Variants in PKHD1 observed in about 807,000 individuals in gnomAD.
PKHD1 encodes the protein fibrocystin.
Under a neutral mutation model 412.0 loss-of-function variants are expected in PKHD1, and 291 were observed. That is an observed-to-expected ratio of 0.71 (90% CI 0.64 to 0.78). PKHD1 has a LOEUF of 0.78. PKHD1 is among the 30% of genes least tolerant of loss of function. The pLI is 0.00. For synonymous variants in PKHD1, 1,777 were observed against 1,821.5 expected (o/e 0.98, Z 0.62); for missense variants, 4,825 against 4,950.7 (o/e 0.97, Z 0.76).
At chr6:52,022,978 CA>C (rs1801628106) in intron 32 of PKHD1, 34 bp from the exon 33 acceptor site, 2 of 1,612,942 alleles carry the variant, frequency 1.2e-6, no homozygotes, top group Non-Finnish European at 1.7e-6. Flanking sequence ...CTTGATCATA[CA>C]GGCAAATCTC....
chr6:51,726,095 A>C (rs139147052), intron 60 of PKHD1, among the ~76,000 whole-genome samples: 1 of 152,326 alleles, frequency 6.6e-6, no homozygotes, highest in East Asian at 1.9e-4. Flanking sequence ...TTGCAAGCTC[A>C]AACTCAGCTA....
At chr6:51,961,939 A>G (rs1245321774) in intron 35 of PKHD1, among the ~76,000 whole-genome samples, 1 of 152,132 alleles carries the variant, frequency 6.6e-6, no homozygotes, top group African/African-American at 2.4e-5. Context: ...TGTGAAATCA[A>G]AAGCTCAAGA....
intron 55 of PKHD1, among the ~76,000 whole-genome samples, chr6:51,757,844 T>G (rs1582498239): frequency 6.7e-6 from 1 of 150,166 alleles, no homozygotes; most frequent in Non-Finnish European, 1.5e-5. Flanking sequence ...TCTACAAAAG[T>G]GAAAAGAAAA....
At position 51,871,979 on chromosome 6, in the gene PKHD1, T is replaced by C. The variant is rs1445034817; in HGVS notation, c.7351-1340A>G. ...TGGAGAAATAAGTATATTATATCCATGAAACAAATAGAAGCCTAAAATATT... is the reference window on the plus strand; with the variant it reads ...TGGAGAAATAAGTATATTATATCCACGAAACAAATAGAAGCCTAAAATATT... On this transcript the variant is annotated intron_variant, in intron 46 of 66. Transcript: ENST00000371117. Among the ~76,000 whole-genome samples the C allele has an allele frequency of 3.7e-5, 2 of 53,782 alleles. 1 individual carries two copies. Among genetic ancestry groups the C allele is most frequent in the Non-Finnish European group, 1.3e-4 (2 of 15,090 alleles). 35.3% of individuals were successfully genotyped at this position (53,782 alleles called of 152,430 possible). A position where few individuals can be genotyped will look rare whatever the true frequency, so the allele number is the denominator to read the frequency against.
In PKHD1 at chr6:52,024,634, C is replaced by A. The variant is rs753112355; in HGVS notation, c.5176G>T (p.Ala1726Ser). The change falls in exon 32 of 67, where the codon GCC becomes TCC. Residue 1726 changes from alanine (A) to serine (S), a missense_variant. Physicochemically the swap from Ala to Ser is moderately conservative, Grantham distance 99. Transcript: ENST00000371117. ...GAGGTGAACACCAGGGCAGATGAGG[C>A]CCACCCTCTGATGCAGTCATAGCCT... ...VRGYDCIRGWASSALVFTSRV... is the reference protein window; with the variant it reads ...VRGYDCIRGWSSSALVFTSRV... 1.2e-5 allele frequency: 20 copies of A among 1,614,162 alleles called. No homozygotes were observed. In the East Asian group the frequency reaches 4.2e-4, roughly 34 times the overall value.
intron 36 of PKHD1, among the ~76,000 whole-genome samples, chr6:51,951,780 G>A (rs1485694636): frequency 1.3e-5 from 2 of 152,098 alleles, no homozygotes; most frequent in Non-Finnish European, 1.5e-5. Context: ...TCCAGTCCAG[G>A]ATGAATAGGA....
At chr6:51,965,296 C>G (rs1293236862) in intron 35 of PKHD1, among the ~76,000 whole-genome samples, 1 of 152,088 alleles carries the variant, frequency 6.6e-6, no homozygotes, top group Non-Finnish European at 1.5e-5. Context: ...AGATGGCTGA[C>G]CACAGTGGAG....
At chr6:52,060,766 T>C (rs565997639) in intron 14 of PKHD1, among the ~76,000 whole-genome samples, 1 of 152,194 alleles carries the variant, frequency 6.6e-6, no homozygotes, top group Non-Finnish European at 1.5e-5. Context: ...TTTGCTTTAA[T>C]GTACATACAT....
intron 35 of PKHD1, among the ~76,000 whole-genome samples, chr6:51,998,375 A>G (rs1797953669): frequency 6.6e-6 from 1 of 152,242 alleles, no homozygotes; most frequent in Admixed American, 6.5e-5. Flanking sequence ...ATTGGAGATC[A>G]CTGTCACAGA....
At chr6:51,888,674 G>A (rs1778599852) in intron 43 of PKHD1, among the ~76,000 whole-genome samples, 1 of 151,710 alleles carries the variant, frequency 6.6e-6, no homozygotes, top group Non-Finnish European at 1.5e-5. Context: ...TATGATCCCT[G>A]CCTAGTCTCT....
At chr6:51,774,690 T>C (rs948877747) in intron 54 of PKHD1, among the ~76,000 whole-genome samples, 1 of 151,900 alleles carries the variant, frequency 6.6e-6, no homozygotes, top group Non-Finnish European at 1.5e-5. Context: ...TTGCCTCCAC[T>C]CTATTGAGTA....
chr6:51,813,500 C>A (rs1765002317), intron 52 of PKHD1, among the ~76,000 whole-genome samples: 1 of 152,048 alleles, frequency 6.6e-6, no homozygotes, highest in Non-Finnish European at 1.5e-5. Context: ...TAACTTATTA[C>A]TTTTTCTGGC....
At chr6:51,781,480 T>C (rs1792000160) in intron 53 of PKHD1, among the ~76,000 whole-genome samples, 1 of 152,200 alleles carries the variant, frequency 6.6e-6, no homozygotes, top group Non-Finnish European at 1.5e-5. Flanking sequence ...AATATGTTAT[T>C]CATTCACTAC....
chr6:51,630,327 C>T (rs1767773615), intron 65 of PKHD1, among the ~76,000 whole-genome samples: 1 of 152,116 alleles, frequency 6.6e-6, no homozygotes, highest in South Asian at 2.1e-4. Flanking sequence ...AAAAACAATA[C>T]ATTGCAATAG....
intron 52 of PKHD1, among the ~76,000 whole-genome samples, chr6:51,828,863 G>C (rs899196593): frequency 1.3e-5 from 2 of 152,040 alleles, no homozygotes; most frequent in African/African-American, 4.8e-5. Flanking sequence ...AGGCCAAGCA[G>C]CTCCTGCATA....
At chr6:52,053,976 C>T (rs1202732270) in intron 20 of PKHD1, 62 bp downstream of exon 20, 1 of 1,585,894 alleles carries the variant, frequency 6.3e-7, no homozygotes, top group Non-Finnish European at 8.7e-7. Context: ...GTAACTGTCC[C>T]CAAAACAGTG....
chr6:51,983,625 G>T (rs1282526003), intron 35 of PKHD1, among the ~76,000 whole-genome samples: 1 of 152,242 alleles, frequency 6.6e-6, no homozygotes, highest in Non-Finnish European at 1.5e-5. Flanking sequence ...ACTCGAAGCG[G>T]AGGTGAAGAA....
chr6:51,796,253 G>A (rs1794573205), intron 52 of PKHD1, among the ~76,000 whole-genome samples: 1 of 151,958 alleles, frequency 6.6e-6, no homozygotes, highest in African/African-American at 2.4e-5. Flanking sequence ...ATGTGTCCAG[G>A]AATTTATCCA....
intron 60 of PKHD1, among the ~76,000 whole-genome samples, chr6:51,730,877 A>T (rs1783155094): frequency 6.6e-6 from 1 of 152,218 alleles, no homozygotes; most frequent in African/African-American, 2.4e-5. Flanking sequence ...CATTCATCTT[A>T]GGCATAAAAT....
Sources: gnomAD v4.1 joint callset for allele counts (sites outside exome capture counted in the v4.1 genomes callset) on GRCh38, gnomAD v4.1.1 for gene constraint, MANE v1.5 for transcripts, NCBI Gene and HGNC (gene_info 2026-07-23, HGNC 2026-07-21) for gene names.